ZNF462: variants seen among roughly 807,000 people sequenced by gnomAD.
The protein encoded by ZNF462 is zinc finger PBX1-interacting protein.
Under a neutral mutation model 201.9 loss-of-function variants are expected in ZNF462, and 10 were observed. The ratio of observed to expected loss-of-function variants is 0.05; its 90% CI spans 0.03 to 0.08. The LOEUF (loss-of-function observed/expected upper bound fraction) is 0.08, where lower values mean the gene tolerates loss of function less well. ZNF462 is among the 10% of genes least tolerant of loss of function. ZNF462 has a pLI of 1.00. For missense variants in ZNF462, 2,523 were observed against 3,168.3 expected (o/e 0.80, Z 4.89); for synonymous variants, 1,227 against 1,193.3 (o/e 1.03, Z -0.58).
rs1588032169 is a variant in ZNF462, at chr9:106,905,776, G to A, written c.-30-17578G>A. ...GCAACAGCCCCGAGTCTGTTTCCAG[G>A]TGGAGGGCGAGATGGGCTTGAAAAT... On this transcript the variant is annotated intron_variant, in intron 1 of 12. Coordinates refer to ENST00000277225, the MANE Select transcript of ZNF462 (RefSeq NM_021224.6). This position sits in a 1 kb window ranked among gnomAD's most constrained non-coding sequence, Gnocchi z 5.9. Among the ~76,000 whole-genome samples the A allele has an allele frequency of 6.6e-6, 1 of 152,204 alleles. No homozygotes were observed. Among genetic ancestry groups the A allele is most frequent in the Non-Finnish European group, 1.5e-5 (1 of 68,038 alleles).
intron 1 of ZNF462, among the ~76,000 whole-genome samples, chr9:106,915,140 G>A (rs80043560): frequency 0.041 from 6,189 of 151,570 alleles, 402 homozygotes; most frequent in African/African-American, 0.14. Context: ...ACCTACTGTC[G>A]CTTTTTGGTT....
intron 1 of ZNF462, among the ~76,000 whole-genome samples, chr9:106,887,924 CA>C (rs1828393439): frequency 6.6e-6 from 1 of 152,196 alleles, no homozygotes; most frequent in Non-Finnish European, 1.5e-5. Context: ...CTTCCAAAGA[CA>C]AGCTGTTGTG....
rs144774362 is a variant in ZNF462 at position 106,987,417 on chromosome 9, G to A, written c.7056+3008G>A. Among the ~76,000 whole-genome samples, 715 of 152,278 alleles carry A rather than the reference G, an allele frequency of 4.7e-3. 9 individuals carry two copies. The highest frequency in any genetic ancestry group is 0.017 in the African/African-American group (691 of 41,562). On this transcript the variant is annotated intron_variant, in intron 10 of 12. Coordinates refer to ENST00000277225, the MANE Select transcript of ZNF462 (RefSeq NM_021224.6). ...TCGATTTGCATTTCCCTGATCATTA[G>A]TGATGCTGAGCATTTTTCCATATGT...
At position 106,905,616 on chromosome 9, in the gene ZNF462, G is replaced by A. The variant is rs1472189002; in HGVS notation, c.-30-17738G>A. On this transcript the variant is annotated intron_variant, in intron 1 of 12. Transcript: ENST00000277225. This position sits in a 1 kb window ranked among gnomAD's most constrained non-coding sequence, Gnocchi z 5.9. Reference sequence around the variant, plus strand: ...TGCTGCGGCTGCTGTGGGAGATGAGGGTGAGATTCCCAGGTCACTGGAGTT... The same window carrying A: ...TGCTGCGGCTGCTGTGGGAGATGAGAGTGAGATTCCCAGGTCACTGGAGTT... Among the ~76,000 whole-genome samples the A allele has an allele frequency of 6.6e-6, 1 of 152,102 alleles. No individual in the cohort carries two copies. Among genetic ancestry groups the A allele is most frequent in the African/African-American group, 2.4e-5 (1 of 41,418 alleles).
chr9:106,985,152 A>C (rs1337709217), intron 10 of ZNF462, among the ~76,000 whole-genome samples: 1 of 152,184 alleles, frequency 6.6e-6, no homozygotes, highest in African/African-American at 2.4e-5. Flanking sequence ...ACTATGTTCC[A>C]GTAAAAGTTT....
upstream of ZNF462, among the ~76,000 whole-genome samples, chr9:106,862,330 G>C (rs77579197): frequency 6.6e-6 from 1 of 152,090 alleles, no homozygotes; most frequent in Non-Finnish European, 1.5e-5. This position sits in a 1 kb window ranked among gnomAD's most constrained non-coding sequence, Gnocchi z 4.2. Flanking sequence ...TCTGGGGCTC[G>C]GGCTCGGCGC....
rs1255997034 is a variant in ZNF462, at chr9:106,929,318, G to A, written c.5406G>A (p.Lys1802=). The A allele has an allele frequency of 1.9e-6, 3 of 1,614,188 alleles. No individual in the cohort carries two copies. Among genetic ancestry groups the A allele is most frequent in the Middle Eastern group, 1.6e-4 (1 of 6,062 alleles). ...TCCCAAAGAAGCAGCACGCCAGCAAGTTGGGGGGCTACTTCACGGCCGTCT... is the reference window on the plus strand; with the variant it reads ...TCCCAAAGAAGCAGCACGCCAGCAAATTGGGGGGCTACTTCACGGCCGTCT... ...GVFPKKQHAS[K]LGGYFTAVYA... The change falls in exon 3 of 13, where the codon AAG becomes AAA. Residue 1802 remains lysine (K), a synonymous_variant. Transcript: ENST00000277225. This position sits in a 1 kb window ranked among gnomAD's most constrained non-coding sequence, Gnocchi z 8.7.
chr9:106,935,693 G>T lies in ZNF462; in HGVS notation c.6235+72G>T. ...TTTGAAACCTGATGATCTTTATTGA[G>T]TGAAATACTGTCCTGCCTTACACTT... On this transcript the variant is annotated intron_variant, in intron 6 of 12. Transcript: ENST00000277225. The surrounding 1 kb of genome is among the most constrained non-coding windows in gnomAD (Gnocchi z 4.1). 1 of 1,185,894 alleles carries T rather than the reference G, an allele frequency of 8.4e-7. No homozygotes were observed. The highest frequency in any genetic ancestry group is 1.2e-6 in the Non-Finnish European group (1 of 800,176). 73.5% of individuals were successfully genotyped at this position (1,185,894 alleles called of 1,614,324 possible).
rs1025267371 is a variant in ZNF462, at chr9:106,920,962, A to G, written c.-30-2392A>G. Among the ~76,000 whole-genome samples the G allele has an allele frequency of 2.7e-4, 41 of 152,204 alleles. No individual in the cohort carries two copies. The highest frequency in any genetic ancestry group is 9.2e-4 in the African/African-American group (38 of 41,462). On this transcript the variant is annotated intron_variant, in intron 1 of 12. Transcript: ENST00000277225. This position sits in a 1 kb window ranked among gnomAD's most constrained non-coding sequence, Gnocchi z 4.3. ...AAGAGATTTTGTTTTCCTCTCTGCT[A>G]CACAATGGAGCTTTCAGAGAACCTC...
chr9:106,893,515 A>G (rs1828680137), intron 1 of ZNF462, among the ~76,000 whole-genome samples: 1 of 152,204 alleles, frequency 6.6e-6, no homozygotes, highest in Non-Finnish European at 1.5e-5. Context: ...AATATAACAA[A>G]TGCCCATGGA....
Position 106,926,353 on chromosome 9 carries a change from A to G in ZNF462, c.2441A>G (p.Asn814Ser), listed in dbSNP as rs142278092. The change falls in exon 3 of 13, where the codon AAT (asparagine) becomes AGT (serine). Residue 814 changes from asparagine (N) to serine (S), a missense_variant. Transcript: ENST00000277225. The surrounding 1 kb of genome is among the most constrained non-coding windows in gnomAD (Gnocchi z 7.9). Reference protein sequence around the residue: ...STNLKDHQVSNTALLNTQTPI... With the variant: ...STNLKDHQVSSTALLNTQTPI... ...AACTTGAAAGATCACCAAGTTTCCA[A>G]TACTGCTCTGCTGAATACCCAAACT... The G allele has an allele frequency of 3.1e-6, 5 of 1,614,086 alleles. No individual in the cohort carries two copies. Among genetic ancestry groups the G allele is most frequent in the African/African-American group, 1.3e-5 (1 of 74,924 alleles).
Position 106,923,892 on chromosome 9 carries a change from G to A in ZNF462, c.221-241G>A, listed in dbSNP as rs1830083748. Among the ~76,000 whole-genome samples, 1 of 152,130 alleles carries A rather than the reference G, an allele frequency of 6.6e-6. No homozygotes were observed. The highest frequency in any genetic ancestry group is 6.5e-5 in the Admixed American group (1 of 15,282). ...CAACTTGTATTTTTATAGCTGTGTG[G>A]CTCATTTATGGAGATGAGGAGAATA... On this transcript the variant is annotated intron_variant, in intron 2 of 12. Coordinates refer to ENST00000277225, the MANE Select transcript of ZNF462 (RefSeq NM_021224.6). The surrounding 1 kb of genome is among the most constrained non-coding windows in gnomAD (Gnocchi z 5.6).
In ZNF462 at chr9:106,926,041, C is replaced by A. The variant is rs563504428; in HGVS notation, c.2129C>A (p.Thr710Asn). The change falls in exon 3 of 13, where the codon ACC becomes AAC. Residue 710 changes from threonine (T) to asparagine (N), a missense_variant. By Grantham distance (65) the Thr-to-Asn change is moderately conservative (BLOSUM62 0). Around this residue, in one of 15 missense-constraint regions of ZNF462, gnomAD observed 383 missense variants for 453.4 expected, o/e 0.84. Coordinates refer to ENST00000277225, the MANE Select transcript of ZNF462 (RefSeq NM_021224.6). This position sits in a 1 kb window ranked among gnomAD's most constrained non-coding sequence, Gnocchi z 7.9. ...ASNLQSKINQ[T>N]KQQEDAVINV... is the part of the protein sequence containing the mutation. ...AACCTTCAGAGCAAAATTAACCAAA[C>A]CAAACAGCAGGAAGATGCAGTGATC... The A allele has an allele frequency of 6.2e-7, 1 of 1,614,180 alleles. No individual in the cohort carries two copies. The highest frequency in any genetic ancestry group is 1.1e-5 in the South Asian group (1 of 91,084).
chr9:106,886,149 T>C lies in ZNF462; in HGVS notation c.-31+22794T>C, dbSNP rs796576981. On this transcript the variant is annotated intron_variant, in intron 1 of 12. Transcript: ENST00000277225. This position sits in a 1 kb window ranked among gnomAD's most constrained non-coding sequence, Gnocchi z 4.6. The stretch of plus-strand genomic sequence containing the variant: ...TTGTTGGCCTTAGCCTGATAGGTGG[T>C]AGCCACATAATGACTCATTGAGCAC... Among the ~76,000 whole-genome samples the C allele has an allele frequency of 1.3e-5, 2 of 152,290 alleles. No individual in the cohort carries two copies. The highest frequency in any genetic ancestry group is 2.9e-5 in the Non-Finnish European group (2 of 68,014).
At position 106,926,201 on chromosome 9, in the gene ZNF462, A is replaced by G. The variant is rs72741799; in HGVS notation, c.2289A>G (p.Arg763=). Residue 763 remains arginine, a synonymous_variant, in exon 3 of 13, where the codon AGA becomes AGG. Coordinates refer to ENST00000277225, the MANE Select transcript of ZNF462 (RefSeq NM_021224.6). The surrounding 1 kb of genome is among the most constrained non-coding windows in gnomAD (Gnocchi z 7.9). The part of the protein sequence containing the change: ...TSFSAQQIWV[R]DTSEPQKEPN... The stretch of plus-strand genomic sequence containing the variant: ...TTTCTGCCCAACAGATATGGGTAAG[A>G]GATACCAGTGAGCCCCAGAAAGAGC... The G allele has an allele frequency of 9.7e-3, 15,591 of 1,614,196 alleles. 104 individuals carry two copies. The highest frequency in any genetic ancestry group is 0.011 in the Non-Finnish European group (12,855 of 1,180,034).
intron 10 of ZNF462, among the ~76,000 whole-genome samples, chr9:106,987,176 C>T (rs1827913860): frequency 1.3e-5 from 2 of 152,230 alleles, no homozygotes; most frequent in Non-Finnish European, 2.9e-5. Flanking sequence ...TGGGTAGATA[C>T]CCAGTAGTGG....
rs1829812934 is a variant in ZNF462 at position 106,917,280 on chromosome 9, A to C, written c.-30-6074A>C. Among the ~76,000 whole-genome samples the C allele has an allele frequency of 6.6e-6, 1 of 152,232 alleles. No homozygotes were observed. Among genetic ancestry groups the C allele is most frequent in the South Asian group, 2.1e-4 (1 of 4,824 alleles). Reference sequence around the variant, plus strand: ...GGTATCTATTAAGAAATAGTACTCCAGCATACTCTGTAGTACTTGAAAACT... The same window carrying C: ...GGTATCTATTAAGAAATAGTACTCCCGCATACTCTGTAGTACTTGAAAACT... On this transcript the variant is annotated intron_variant, in intron 1 of 12. Coordinates refer to ENST00000277225, the MANE Select transcript of ZNF462 (RefSeq NM_021224.6). This position sits in a 1 kb window ranked among gnomAD's most constrained non-coding sequence, Gnocchi z 4.5.
intron 6 of ZNF462, among the ~76,000 whole-genome samples, chr9:106,936,688 A>G (rs1201368608): frequency 1.3e-5 from 2 of 152,218 alleles, no homozygotes; most frequent in Admixed American, 1.3e-4. Context: ...TAACTTGTGT[A>G]TATTGTAAAT....
rs1167087476 is a variant in ZNF462 at position 106,895,532 on chromosome 9, T to C, written c.-30-27822T>C. Among the ~76,000 whole-genome samples the C allele has an allele frequency of 6.6e-6, 1 of 152,208 alleles. No homozygotes were observed. The highest frequency in any genetic ancestry group is 6.5e-5 in the Admixed American group (1 of 15,282). On this transcript the variant is annotated intron_variant, in intron 1 of 12. Transcript: ENST00000277225. This position sits in a 1 kb window ranked among gnomAD's most constrained non-coding sequence, Gnocchi z 4.4. ...TCTTGATAGGGCACAGCTTTCGTTA[T>C]ATCACATTGCCCTGATTAAGGATGA...
Sources: gnomAD v4.1 joint callset for allele counts (sites outside exome capture counted in the v4.1 genomes callset) on GRCh38, gnomAD v4.1.1 for gene constraint, gnomAD v4.1.1 regional missense constraint, Gnocchi (gnomAD v3.1) non-coding constraint, MANE v1.5 for transcripts, NCBI Gene and HGNC (gene_info 2026-07-23, HGNC 2026-07-21) for gene names.